The following RALA variants were observed in gnomAD, a reference collection of about 807,000 sequenced individuals.
RALA encodes the protein RAS like proto-oncogene A, also known as ras-related protein Ral-A.
RALA carries 5 observed loss-of-function variants against 24.0 expected under a neutral mutation model. That is an observed-to-expected ratio of 0.21 (90% CI 0.11 to 0.44). The LOEUF is 0.44. Among genes scored for constraint, RALA ranks in the 20% least tolerant of loss-of-function variants. The pLI, the probability that RALA is intolerant of heterozygous loss-of-function variation, is 0.99. For missense variants in RALA, 95 were observed against 241.2 expected (o/e 0.39, Z 4.01); for synonymous variants, 77 against 83.8 (o/e 0.92, Z 0.44).
At chr7:39,633,524 A>G (rs1252882068) in intron 1 of RALA, among the ~76,000 whole-genome samples, 1 of 152,160 alleles carries the variant, frequency 6.6e-6, no homozygotes, top group African/African-American at 2.4e-5. Flanking sequence ...CATGGAGGAA[A>G]CTGCTTCCAT....
rs1792796698 is a variant in RALA, at chr7:39,690,554, C to T, written c.287C>T (p.Thr96Ile). 2 of 1,613,514 alleles carry T rather than the reference C, an allele frequency of 1.2e-6. No homozygotes were observed. The highest frequency in any genetic ancestry group is 1.7e-6 in the Non-Finnish European group (2 of 1,179,758). Residue 96 changes from threonine (T) to isoleucine (I), a missense_variant, in exon 3 of 5, where the codon ACA becomes ATA. By Grantham distance (89) the Thr-to-Ile change is moderately conservative. Transcript: ENST00000005257. ...GEGFLCVFSI[T>I]EMESFAATAD... ...GGGTTCCTCTGTGTTTTCTCTATTA[C>T]AGAAATGGAATCCTTTGCAGCTACA...
intron 1 of RALA, among the ~76,000 whole-genome samples, chr7:39,640,806 T>C (rs57509649): frequency 0.029 from 4,390 of 152,328 alleles, 228 homozygotes; most frequent in African/African-American, 0.099. Context: ...TTGGACCATG[T>C]GAAGCAAATA....
At chr7:39,703,086 A>G (rs556399247) in intron 4 of RALA, 1 of 152,270 alleles carries the variant, frequency 6.6e-6, no homozygotes, top group Non-Finnish European at 1.5e-5. Flanking sequence ...GTTTCAAAAC[A>G]TCACTGTGTA....
chr7:39,678,910 C>G (rs1792537968), intron 1 of RALA, among the ~76,000 whole-genome samples: 1 of 152,040 alleles, frequency 6.6e-6, no homozygotes, highest in Admixed American at 6.5e-5. Flanking sequence ...GGTATACTCT[C>G]TCACCTCTGT....
chr7:39,656,732 G>A (rs1243898189), intron 1 of RALA, among the ~76,000 whole-genome samples: 1 of 152,174 alleles, frequency 6.6e-6, no homozygotes, highest in East Asian at 1.9e-4. Context: ...TGGTGAATGT[G>A]GAAGTGGGTA....
At chr7:39,682,450 A>G (rs1174509805) in intron 1 of RALA, among the ~76,000 whole-genome samples, 2 of 152,180 alleles carry the variant, frequency 1.3e-5, no homozygotes, top group Non-Finnish European at 2.9e-5. Flanking sequence ...TAAAAACACA[A>G]ATTTTACCAC....
chr7:39,647,559 G>T (rs1791947809), intron 1 of RALA, among the ~76,000 whole-genome samples: 1 of 152,176 alleles, frequency 6.6e-6, no homozygotes, highest in East Asian at 1.9e-4. Context: ...TCCCGGACAT[G>T]TTTGCACTGG....
chr7:39,639,192 A>G (rs1182450304), intron 1 of RALA, among the ~76,000 whole-genome samples: 2 of 152,250 alleles, frequency 1.3e-5, no homozygotes, highest in African/African-American at 2.4e-5. Context: ...ACAAACTTCT[A>G]AATCAAGACC....
intron 4 of RALA, among the ~76,000 whole-genome samples, chr7:39,704,969 C>T (rs559031887): frequency 6.6e-6 from 1 of 152,290 alleles, no homozygotes; most frequent in East Asian, 1.9e-4. Flanking sequence ...AGTCACCATG[C>T]CTGGCCTAAT....
chr7:39,627,666 T>C (rs1240181651), intron 1 of RALA, among the ~76,000 whole-genome samples: 1 of 152,342 alleles, frequency 6.6e-6, no homozygotes, highest in African/African-American at 2.4e-5. Flanking sequence ...TCTTATGTAG[T>C]TGAGAAGCTA....
intron 1 of RALA, among the ~76,000 whole-genome samples, chr7:39,627,054 T>C (rs1363009784): frequency 1.3e-5 from 2 of 151,998 alleles, no homozygotes; most frequent in Non-Finnish European, 2.9e-5. Flanking sequence ...ATTTGAAGAA[T>C]GTGTCCATCT....
chr7:39,648,242 G>A (rs186470477), intron 1 of RALA, among the ~76,000 whole-genome samples: 26 of 152,264 alleles, frequency 1.7e-4, no homozygotes, highest in Admixed American at 1.1e-3. Flanking sequence ...GCAGAAAACC[G>A]AAATCTTTAG....
At chr7:39,645,386 G>A (rs1791907547) in intron 1 of RALA, among the ~76,000 whole-genome samples, 1 of 152,108 alleles carries the variant, frequency 6.6e-6, no homozygotes, top group Non-Finnish European at 1.5e-5. Context: ...TGAGATGAAT[G>A]TTGTTACTAA....
At chr7:39,664,806 CA>C (rs560836047) in intron 1 of RALA, among the ~76,000 whole-genome samples, 9,463 of 141,492 alleles carry the variant, frequency 0.067, 392 homozygotes, top group Non-Finnish European at 0.092. Flanking sequence ...GTGGACGTGC[CA>C]AAAAAAAAAA....
At chr7:39,672,230 C>CA (rs1396273701) in intron 1 of RALA, among the ~76,000 whole-genome samples, 5 of 151,986 alleles carry the variant, frequency 3.3e-5, no homozygotes, top group Admixed American at 6.6e-5. Context: ...ACTTAAAAGA[C>CA]AAAACAAAAG....
intron 1 of RALA, among the ~76,000 whole-genome samples, chr7:39,682,056 G>C (rs554377962): frequency 7.2e-5 from 11 of 152,196 alleles, no homozygotes; most frequent in African/African-American, 1.9e-4. Flanking sequence ...AGGAGAGCAG[G>C]CTCCCTCAGT....
chr7:39,665,076 A>G (rs1351311200), intron 1 of RALA, among the ~76,000 whole-genome samples: 1 of 152,224 alleles, frequency 6.6e-6, no homozygotes, highest in African/African-American at 2.4e-5. Flanking sequence ...TAGAAAAATG[A>G]AAAAGCAAAA....
At chr7:39,659,891 A>C (rs1792157528) in intron 1 of RALA, among the ~76,000 whole-genome samples, 1 of 152,174 alleles carries the variant, frequency 6.6e-6, no homozygotes, top group African/African-American at 2.4e-5. Flanking sequence ...AGATAAGTTT[A>C]GTGTGGCTCC....
At chr7:39,704,715 G>A (rs145798419) in intron 4 of RALA, among the ~76,000 whole-genome samples, 5,250 of 151,522 alleles carry the variant, frequency 0.035, 310 homozygotes, top group African/African-American at 0.12. Flanking sequence ...TTGCTCTGTC[G>A]CCCAGGCTGG....
Sources: allele counts gnomAD v4.1 joint callset (sites outside exome capture counted in the v4.1 genomes callset), GRCh38; gene constraint gnomAD v4.1.1; transcripts MANE v1.5; gene names NCBI Gene and HGNC (gene_info 2026-07-23, HGNC 2026-07-21).